TRAPPC12: variants seen among roughly 807,000 people sequenced by gnomAD.
The protein encoded by TRAPPC12 is trafficking protein particle complex subunit 12.
TRAPPC12 carries 61 observed loss-of-function variants against 69.2 expected under a neutral mutation model. The observed-to-expected ratio is 0.88, with a 90% CI of 0.72 to 1.09. TRAPPC12 has a LOEUF of 1.09. TRAPPC12 is among the 50% of genes least tolerant of loss of function. The pLI, the probability that TRAPPC12 is intolerant of heterozygous loss-of-function variation, is 0.00. For missense variants in TRAPPC12, 1,101 were observed against 1,016.4 expected (o/e 1.08, Z -1.13); for synonymous variants, 469 against 438.9 (o/e 1.07, Z -0.86).
intron 3 of TRAPPC12, among the ~76,000 whole-genome samples, chr2:3,404,880 G>A (rs543375500): frequency 1.3e-5 from 2 of 149,556 alleles, no homozygotes; most frequent in Admixed American, 6.7e-5. Context: ...AGTGGGGGGC[G>A]GTTACGGGGG....
chr2:3,463,049 C>CTAAAATA, intron 8 of TRAPPC12: 1 of 441,976 alleles, frequency 2.3e-6, no homozygotes, highest in Non-Finnish European at 4.8e-6. Context: ...GAAGATTGAG[C>CTAAAATA]TAAAATAGAC....
chr2:3,457,406 A>G (rs1008150991), intron 6 of TRAPPC12, among the ~76,000 whole-genome samples: 5 of 152,212 alleles, frequency 3.3e-5, no homozygotes, highest in Non-Finnish European at 5.9e-5. Context: ...ATACCCAGGT[A>G]ACCTGCACAC....
rs919520777 is a variant in TRAPPC12, at chr2:3,414,896, C to T, written c.1165-6985C>T. Among the ~76,000 whole-genome samples, 6 of 152,152 alleles carry T rather than the reference C, an allele frequency of 3.9e-5. No homozygotes were observed. The highest frequency in any genetic ancestry group is 7.2e-5 in the African/African-American group (3 of 41,436). On this transcript the variant is annotated intron_variant, in intron 3 of 11. Transcript: ENST00000324266. This position sits in a 1 kb window ranked among gnomAD's most constrained non-coding sequence, Gnocchi z 4.9. ...GTTGGCCCTTCATATCTACAGGTTC[C>T]GCATCCACAGATTCCACCACCCGCA...
At chr2:3,457,914 G>A (rs527549008) in intron 7 of TRAPPC12, 130 of 1,407,348 alleles carry the variant, frequency 9.2e-5, no homozygotes, top group East Asian at 2.9e-4. Flanking sequence ...CCCTGCGCCC[G>A]GGGAGAAGAC....
rs140502271 is a variant in TRAPPC12 at position 3,424,670 on chromosome 2, C to T, written c.1417+7C>T. ...GTGTACCCTGGGCGCAGGGGTAAGGCCATGGTATTTAATATTTGTACATTT... is the reference window on the plus strand; with the variant it reads ...GTGTACCCTGGGCGCAGGGGTAAGGTCATGGTATTTAATATTTGTACATTT... On this transcript the variant is annotated splice_region_variant and intron_variant, in intron 5 of 11. Coordinates refer to ENST00000324266, the MANE Select transcript of TRAPPC12 (RefSeq NM_016030.6). 1.3e-6 allele frequency: 2 copies of T among 1,584,994 alleles called. No individual in the cohort carries two copies. The highest frequency in any genetic ancestry group is 2.7e-5 in the African/African-American group (2 of 73,520).
At chr2:3,479,036 A>T (rs1666426719) in intron 11 of TRAPPC12, 103 bp downstream of exon 11, 7 of 1,480,018 alleles carry the variant, frequency 4.7e-6, no homozygotes, top group Non-Finnish European at 6.5e-6. Flanking sequence ...CTCTCTCTCC[A>T]GTCCACCAGC....
At chr2:3,447,006 G>A (rs1268938708) in intron 6 of TRAPPC12, among the ~76,000 whole-genome samples, 14 of 152,200 alleles carry the variant, frequency 9.2e-5, no homozygotes, top group African/African-American at 3.4e-4. Context: ...CCGAGGGTGA[G>A]TCATTTATAA....
intron 5 of TRAPPC12, among the ~76,000 whole-genome samples, chr2:3,428,430 C>G (rs186107401): frequency 6.6e-6 from 1 of 152,074 alleles, no homozygotes. Context: ...ATAAGCAGAG[C>G]AAGTTGTTAA....
At chr2:3,415,469 G>A (rs1044047055) in intron 3 of TRAPPC12, among the ~76,000 whole-genome samples, 11 of 150,160 alleles carry the variant, frequency 7.3e-5, no homozygotes, top group East Asian at 3.9e-4. Context: ...GCAGTGGTGC[G>A]ATCTCCGCTC....
At chr2:3,434,074 AT>A (rs1663616574) in intron 5 of TRAPPC12, among the ~76,000 whole-genome samples, 1 of 152,202 alleles carries the variant, frequency 6.6e-6, no homozygotes, top group African/African-American at 2.4e-5. Context: ...GCTTAAAGGT[AT>A]TTTTATGTGC....
intron 8 of TRAPPC12, among the ~76,000 whole-genome samples, chr2:3,464,114 G>T (rs1665665010): frequency 6.6e-6 from 1 of 152,078 alleles, no homozygotes; most frequent in African/African-American, 2.4e-5. Flanking sequence ...CCTCCCCTGT[G>T]TGAGGGAGCT....
intron 4 of TRAPPC12, among the ~76,000 whole-genome samples, chr2:3,423,229 G>A (rs898683404): frequency 1.4e-4 from 22 of 152,086 alleles, no homozygotes; most frequent in South Asian, 6.2e-4. Flanking sequence ...TCATCTTCTC[G>A]TGTTGTATGC....
At position 3,456,831 on chromosome 2, in the gene TRAPPC12, G is replaced by A. The variant is rs186076482; in HGVS notation, c.1531-790G>A. The A allele has an allele frequency of 6.2e-5, 16 of 258,972 alleles. No homozygotes were observed. In the East Asian group the frequency reaches 1.0e-3, roughly 17 times the overall value. The allele number at this position is 258,972 out of a possible 1,614,324, so 16.0% of individuals were successfully genotyped here. A position where few individuals can be genotyped will look rare whatever the true frequency, so the allele number is the denominator to read the frequency against. ...TGGGCTCAAGTGACCCACCTGCCTC[G>A]GCCTCCCAAGGTGTTGGGATTACAG... On this transcript the variant is annotated intron_variant, in intron 6 of 11. Coordinates refer to ENST00000324266, the MANE Select transcript of TRAPPC12 (RefSeq NM_016030.6).
At chr2:3,471,137 C>T (rs540198135) in intron 9 of TRAPPC12, among the ~76,000 whole-genome samples, 1 of 152,320 alleles carries the variant, frequency 6.6e-6, no homozygotes, top group East Asian at 1.9e-4. Flanking sequence ...TGTGTTAGGC[C>T]TCCGAGGAGC....
intron 6 of TRAPPC12, 116 bp from the exon 7 acceptor site, chr2:3,457,505 C>A: frequency 4.0e-6 from 3 of 744,490 alleles, no homozygotes; most frequent in Non-Finnish European, 4.7e-6. Flanking sequence ...TGTGAACATC[C>A]CTTGACAAAT....
In TRAPPC12 at chr2:3,383,647, C is replaced by T. The variant is rs151129244; in HGVS notation, c.-5+3771C>T. On this transcript the variant is annotated intron_variant, in intron 1 of 11. Coordinates refer to ENST00000324266, the MANE Select transcript of TRAPPC12 (RefSeq NM_016030.6). ...ATCTTGAACTCCTGACCTCGTGATA[C>T]GCCCGCCCCGGCCTCCGAAAGTGCT... Among the ~76,000 whole-genome samples the T allele has an allele frequency of 7.7e-3, 1,173 of 151,718 alleles. 7 individuals carry two copies. The highest frequency in any genetic ancestry group is 0.013 in the Non-Finnish European group (850 of 67,932).
chr2:3,387,838 T>A lies in TRAPPC12; in HGVS notation c.215T>A (p.Ile72Asn), dbSNP rs952696752. Residue 72 changes from isoleucine to asparagine, a missense_variant, in exon 2 of 12, where the codon ATC becomes AAC. Transcript: ENST00000324266. The stretch of plus-strand genomic sequence containing the variant: ...GAACACATGATGGAGAGCGTCCTCA[T>A]CTCTGACTCCCCCAACAGCGAGGGC... ...LNEHMMESVLISDSPNSEGDA... is the reference protein window; with the variant it reads ...LNEHMMESVLNSDSPNSEGDA... 6.2e-6 allele frequency: 10 copies of A among 1,607,798 alleles called. No individual in the cohort carries two copies. Among genetic ancestry groups the A allele is most frequent in the Non-Finnish European group, 8.5e-6 (10 of 1,175,396 alleles).
At chr2:3,441,670 TTATAA>T (rs1190993223) in intron 5 of TRAPPC12, among the ~76,000 whole-genome samples, 5 of 148,752 alleles carry the variant, frequency 3.4e-5, no homozygotes, top group Non-Finnish European at 6.0e-5. Flanking sequence ...TATTATTTTC[TTATAA>T]TAAAATATTT....
intron 9 of TRAPPC12, among the ~76,000 whole-genome samples, chr2:3,469,890 A>G (rs1266310515): frequency 6.6e-6 from 1 of 152,208 alleles, no homozygotes; most frequent in Non-Finnish European, 1.5e-5. Context: ...ATGTAACACA[A>G]AGCTAAACGC....
Sources: gnomAD v4.1 joint callset for allele counts (sites outside exome capture counted in the v4.1 genomes callset) on GRCh38, gnomAD v4.1.1 for gene constraint, Gnocchi (gnomAD v3.1) non-coding constraint, MANE v1.5 for transcripts, NCBI Gene and HGNC (gene_info 2026-07-23, HGNC 2026-07-21) for gene names.